The following CYP3A7 variants were observed in gnomAD, a reference collection of about 807,000 sequenced individuals.
CYP3A7 encodes the protein cytochrome P450 family 3 subfamily A member 7.
A neutral mutation model predicts 55.2 loss-of-function variants in CYP3A7; 45 were observed. The observed-to-expected ratio is 0.82, with a 90% CI of 0.64 to 1.05. The LOEUF (loss-of-function observed/expected upper bound fraction) is 1.05, where lower values mean the gene tolerates loss of function less well. Ranked by LOEUF, CYP3A7 falls within the 50% of genes least tolerant of loss-of-function variation. CYP3A7 has a pLI of 0.00. For synonymous variants in CYP3A7, 180 were observed against 207.4 expected, an observed-to-expected ratio of 0.87 and a Z score of 1.13; for missense variants, 548 against 605.3, an observed-to-expected ratio of 0.91 and a Z score of 0.99.
chr7:99,731,482 C>T (rs147250568), intron 1 of CYP3A7, among the ~76,000 whole-genome samples: 118 of 152,306 alleles, frequency 7.7e-4, no homozygotes, highest in African/African-American at 2.8e-3. Flanking sequence ...TTCATTCCCT[C>T]ATGTCTTTTT....
In CYP3A7 at chr7:99,713,472, T is replaced by C. The variant is rs779390865; in HGVS notation, c.862A>G (p.Lys288Glu). 1 of 1,613,434 alleles carries C rather than the reference T, an allele frequency of 6.2e-7. No individual in the cohort carries two copies. The highest frequency in any genetic ancestry group is 8.5e-7 in the Non-Finnish European group (1 of 1,179,530). The part of the protein sequence containing the change: ...SQNSKDSETH[K>E]ALSDLELMAQ... ...CTCAGAAGCACTCTTTTGTTACCTT[T>C]GTGGGTCTCAGAGTCTTTTGAATTC... The change falls in exon 9 of 13, where the codon AAA becomes GAA. Residue 288 changes from lysine (K) to glutamate (E), a missense_variant. Lys to Glu is a moderately conservative substitution (Grantham distance 56). Coordinates refer to ENST00000336374, the MANE Select transcript of CYP3A7 (RefSeq NM_000765.5).
intron 2 of CYP3A7, among the ~76,000 whole-genome samples, chr7:99,725,631 GGTTGGACT>G (rs1814382855): frequency 2.0e-5 from 3 of 152,226 alleles, no homozygotes; most frequent in African/African-American, 4.8e-5. Flanking sequence ...TCCAATTAGA[GGTTGGACT>G]GTCTGACTCA....
At chr7:99,728,940 G>A (rs182039711) in intron 2 of CYP3A7, among the ~76,000 whole-genome samples, 20 of 152,230 alleles carry the variant, frequency 1.3e-4, no homozygotes, top group East Asian at 5.8e-4. Flanking sequence ...CTCCAACATC[G>A]CTGAGGCCTT....
chr7:99,718,221 AT>A (rs1182840493), intron 4 of CYP3A7, among the ~76,000 whole-genome samples: 1 of 152,190 alleles, frequency 6.6e-6, no homozygotes, highest in Non-Finnish European at 1.5e-5. Context: ...ATGCATACAT[AT>A]GTAACAAACC....
intron 3 of CYP3A7, among the ~76,000 whole-genome samples, chr7:99,721,833 T>C (rs1229369661): frequency 6.6e-6 from 1 of 152,188 alleles, no homozygotes; most frequent in Non-Finnish European, 1.5e-5. Flanking sequence ...ATGAGTGGAT[T>C]CTCATGCTTG....
At chr7:99,730,922 T>G in intron 2 of CYP3A7, 137 bp downstream of exon 2, 3 of 1,196,094 alleles carry the variant, frequency 2.5e-6, no homozygotes, top group Non-Finnish European at 3.5e-6. Flanking sequence ...TTTGCCACGC[T>G]CTGGGTGATG....
At chr7:99,722,223 A>G in intron 3 of CYP3A7, 73 bp downstream of exon 3, 2 of 1,591,944 alleles carry the variant, frequency 1.3e-6, no homozygotes, top group Non-Finnish European at 1.7e-6. Context: ...CTGGGCTGAG[A>G]CTATCCTCTG....
intron 2 of CYP3A7, among the ~76,000 whole-genome samples, chr7:99,725,912 G>A (rs1814393093): frequency 6.6e-6 from 1 of 152,104 alleles, no homozygotes; most frequent in South Asian, 2.1e-4. Context: ...AACTGTTGTG[G>A]GTATTGACGG....
chr7:99,709,246 C>G lies in CYP3A7; in HGVS notation c.1042G>C (p.Asp348His). The G allele has an allele frequency of 3.1e-6, 5 of 1,613,808 alleles. No individual in the cohort carries two copies. Among genetic ancestry groups the G allele is most frequent in the Non-Finnish European group, 3.4e-6 (4 of 1,179,892 alleles). The part of the protein sequence containing the change: ...VLPNKAPPTY[D>H]TVLQLEYLDM... Reference sequence around the variant, plus strand: ...AGATACTCCAACTGTAGCACAGTATCATAGGTGGGTGGTGCCTGAAAAGAA... The same window carrying G: ...AGATACTCCAACTGTAGCACAGTATGATAGGTGGGTGGTGCCTGAAAAGAA... The change falls in exon 11 of 13, where the codon GAT (aspartate) becomes CAT (histidine). Residue 348 changes from aspartate (D) to histidine (H), a missense_variant. Physicochemically the swap from Asp to His is moderately conservative, Grantham distance 81 (BLOSUM62 -1). Transcript: ENST00000336374.
chr7:99,708,931 A>C, intron 11 of CYP3A7, 104 bp downstream of exon 11: 1 of 1,329,258 alleles, frequency 7.5e-7, no homozygotes, highest in Non-Finnish European at 1.1e-6. Flanking sequence ...TAAACATAAA[A>C]AGACAAGCAA....
chr7:99,715,766 A>G lies in CYP3A7; in HGVS notation c.662T>C (p.Leu221Pro). The change falls in exon 7 of 13, where the codon CTC (leucine) becomes CCC (proline). Residue 221 changes from leucine to proline, a missense_variant. Transcript: ENST00000336374. ...LRFNPLDPFV[L>P]SIKVFPFLTP... is the part of the protein sequence containing the mutation. ...AATAGTAGTCCACATACTTATTGAG[A>G]GAACGAATGGATCTAATGGATTAAA... 2 of 1,613,796 alleles carry G rather than the reference A, an allele frequency of 1.2e-6. No individual in the cohort carries two copies. The highest frequency in any genetic ancestry group is 1.7e-6 in the Non-Finnish European group (2 of 1,179,742).
chr7:99,734,261 G>C (rs546543584), intron 1 of CYP3A7, among the ~76,000 whole-genome samples: 2 of 152,332 alleles, frequency 1.3e-5, no homozygotes, highest in East Asian at 3.8e-4. Context: ...GTGAAATTGA[G>C]TTAGAAGTAA....
intron 1 of CYP3A7, among the ~76,000 whole-genome samples, chr7:99,734,813 G>T (rs1478458865): frequency 1.3e-5 from 2 of 151,760 alleles, no homozygotes; most frequent in Admixed American, 1.3e-4. Context: ...GTAGAGATGG[G>T]GTTTCACCAT....
chr7:99,720,634 G>A, intron 3 of CYP3A7: 1 of 487,298 alleles, frequency 2.1e-6, no homozygotes. Context: ...GCCAAACAGG[G>A]AAGAGAGATT....
At chr7:99,720,870 G>T (rs139623724) in intron 3 of CYP3A7, 394 of 177,118 alleles carry the variant, frequency 2.2e-3, no homozygotes, top group African/African-American at 8.6e-3. Flanking sequence ...TTGCTGTGGG[G>T]CCCAAGGACA....
At chr7:99,732,296 G>T (rs1449709918) in intron 1 of CYP3A7, among the ~76,000 whole-genome samples, 1 of 152,100 alleles carries the variant, frequency 6.6e-6, no homozygotes, top group Non-Finnish European at 1.5e-5. Flanking sequence ...TTTCCTGAGG[G>T]CACCCTAGCG....
intron 9 of CYP3A7, among the ~76,000 whole-genome samples, chr7:99,711,521 C>T (rs922586452): frequency 1.3e-5 from 2 of 152,198 alleles, no homozygotes; most frequent in African/African-American, 4.8e-5. Flanking sequence ...GTAATCCCAT[C>T]ACTTTGGGAG....
At chr7:99,724,059 C>T (rs1814315055) in intron 2 of CYP3A7, among the ~76,000 whole-genome samples, 1 of 152,018 alleles carries the variant, frequency 6.6e-6, no homozygotes, top group South Asian at 2.1e-4. Flanking sequence ...CCCTGGGTGG[C>T]AAGCACCACC....
chr7:99,710,760 T>G lies in CYP3A7; in HGVS notation c.998A>C (p.Lys333Thr). Residue 333 changes from lysine to threonine, a missense_variant, in exon 10 of 13, where the codon AAG (lysine) becomes ACG (threonine). Physicochemically the swap from Lys to Thr is moderately conservative, Grantham distance 78. Transcript: ENST00000336374. ...ATTGGGTAAAACTGTATCAATTTCC[T>G]TCTGCACTTTCTGCTGGACATCAGG... ...THPDVQQKVQ[K>T]EIDTVLPNKA... The G allele has an allele frequency of 6.2e-7, 1 of 1,613,950 alleles. No individual in the cohort carries two copies. Among genetic ancestry groups the G allele is most frequent in the Non-Finnish European group, 8.5e-7 (1 of 1,179,886 alleles).
Sources: gnomAD v4.1 joint callset for allele counts (sites outside exome capture counted in the v4.1 genomes callset) on GRCh38, gnomAD v4.1.1 for gene constraint, MANE v1.5 for transcripts, NCBI Gene and HGNC (gene_info 2026-07-23, HGNC 2026-07-21) for gene names.